Variants in PTP4A1 observed in about 807,000 individuals in gnomAD.
PTP4A1 encodes protein tyrosine phosphatase 4A1.
Under a neutral mutation model 20.5 loss-of-function variants are expected in PTP4A1, and 9 were observed. The ratio of observed to expected loss-of-function variants is 0.44; its 90% CI spans 0.26 to 0.77. The LOEUF (loss-of-function observed/expected upper bound fraction) is 0.77, where lower values mean the gene tolerates loss of function less well. PTP4A1 is among the 30% of genes least tolerant of loss of function. The pLI is 0.19. For synonymous variants in PTP4A1, 78 were observed against 67.4 expected, an observed-to-expected ratio of 1.16 and a Z score of -0.77; for missense variants, 137 against 218.8, an observed-to-expected ratio of 0.63 and a Z score of 2.36.
intron 2 of PTP4A1, among the ~76,000 whole-genome samples, chr6:63,529,144 T>C (rs1485525397): frequency 8.2e-6 from 1 of 121,458 alleles, no homozygotes; most frequent in East Asian, 2.2e-4. Context: ...TGTGTATATA[T>C]ATATGTATAT....
In PTP4A1 at chr6:63,578,523, T is replaced by C. The variant is rs775430262; in HGVS notation, c.192T>C (p.His64=). 1 of 1,611,372 alleles carries C rather than the reference T, an allele frequency of 6.2e-7. No homozygotes were observed. The highest frequency in any genetic ancestry group is 8.5e-7 in the Non-Finnish European group (1 of 1,179,136). Residue 64 remains histidine, a synonymous_variant, in exon 3 of 6, where the codon CAT becomes CAC. Coordinates refer to ENST00000626021, the MANE Select transcript of PTP4A1 (RefSeq NM_003463.5). Reference sequence around the variant, plus strand: ...CTCTTGTGGAGAAAGAAGGTATCCATGTTCTTGTAAGTATTTAACAGTTCT... The same window carrying C: ...CTCTTGTGGAGAAAGAAGGTATCCACGTTCTTGTAAGTATTTAACAGTTCT... The part of the protein sequence containing the change: ...DTTLVEKEGI[H]VLDWPFDDGA...
At chr6:63,546,213 A>G (rs1482828830) in intron 2 of PTP4A1, among the ~76,000 whole-genome samples, 1 of 152,268 alleles carries the variant, frequency 6.6e-6, no homozygotes, top group Non-Finnish European at 1.5e-5. Flanking sequence ...CTTAAAAAAG[A>G]AGGAAATACT....
upstream of PTP4A1, chr6:63,571,105 T>G (rs540343172): frequency 3.3e-5 from 5 of 152,220 alleles, no homozygotes; most frequent in Admixed American, 1.3e-4. Context: ...GTGAGCCATT[T>G]TCTTCCAAAT....
In PTP4A1 at chr6:63,581,935, G is replaced by T. The variant is rs1778259117; in HGVS notation, c.*1761G>T. On this transcript the variant is annotated 3_prime_UTR_variant, in exon 6 of 6. Coordinates refer to ENST00000626021, the MANE Select transcript of PTP4A1 (RefSeq NM_003463.5). ...TGATCACGTTAATCTAAATCTAGAT[G>T]TCTTTGTCTAATTTTTTTTGAATAG... 1 of 152,102 alleles carries T rather than the reference G, an allele frequency of 6.6e-6. No individual in the cohort carries two copies. The highest frequency in any genetic ancestry group is 1.5e-5 in the Non-Finnish European group (1 of 67,988). The allele number at this position is 152,102 out of a possible 1,614,324, so 9.4% of individuals were successfully genotyped here. A position where few individuals can be genotyped will look rare whatever the true frequency, so the allele number is the denominator to read the frequency against.
intron 3 of PTP4A1, among the ~76,000 whole-genome samples, chr6:63,564,492 TCAA>T (rs1395870044): frequency 6.6e-6 from 1 of 152,190 alleles, no homozygotes; most frequent in Admixed American, 6.5e-5. Flanking sequence ...AGGAAATTGT[TCAA>T]CAACATTTCT....
intron 2 of PTP4A1, among the ~76,000 whole-genome samples, chr6:63,535,301 C>T (rs555174613): frequency 5.9e-5 from 9 of 151,900 alleles, no homozygotes; most frequent in Non-Finnish European, 1.3e-4. Flanking sequence ...CCCGTTTCTA[C>T]TAAAAATACA....
At chr6:63,550,785 C>T (rs528709888) in intron 3 of PTP4A1, among the ~76,000 whole-genome samples, 5 of 152,018 alleles carry the variant, frequency 3.3e-5, no homozygotes, top group Admixed American at 6.6e-5. Context: ...CCACCATGCC[C>T]GTCTAATTTT....
intron 2 of PTP4A1, among the ~76,000 whole-genome samples, chr6:63,541,055 A>AAGGG (rs1562117254): frequency 1.5e-5 from 2 of 133,972 alleles, no homozygotes; most frequent in Non-Finnish European, 3.2e-5. Flanking sequence ...GGAAGGAAGG[A>AAGGG]AGGGAGGGAA....
chr6:63,545,139 C>T (rs1413686290), intron 2 of PTP4A1, among the ~76,000 whole-genome samples: 1 of 152,130 alleles, frequency 6.6e-6, no homozygotes, highest in Non-Finnish European at 1.5e-5. Context: ...CTCATTGATT[C>T]TCCTTTTATT....
At chr6:63,547,037 G>T (rs983176657) in intron 2 of PTP4A1, among the ~76,000 whole-genome samples, 2 of 152,030 alleles carry the variant, frequency 1.3e-5, no homozygotes, top group African/African-American at 4.8e-5. Context: ...GTGATAGATG[G>T]TTTTCACTTA....
At chr6:63,528,540 C>G (rs1220221561) in intron 2 of PTP4A1, among the ~76,000 whole-genome samples, 1 of 152,046 alleles carries the variant, frequency 6.6e-6, no homozygotes, top group East Asian at 1.9e-4. Flanking sequence ...GCCTGGGCAA[C>G]ATGGTGAAAC....
chr6:63,533,780 AT>A (rs1040062506), intron 2 of PTP4A1, among the ~76,000 whole-genome samples: 2 of 151,926 alleles, frequency 1.3e-5, no homozygotes, highest in African/African-American at 4.8e-5. Flanking sequence ...TATACTTAGG[AT>A]TTTTTTTAAA....
intron 3 of PTP4A1, among the ~76,000 whole-genome samples, chr6:63,562,072 T>A (rs1226819105): frequency 6.6e-6 from 1 of 152,192 alleles, no homozygotes; most frequent in East Asian, 1.9e-4. Context: ...GTGACACCCA[T>A]AAAGTATTTA....
intron 2 of PTP4A1, among the ~76,000 whole-genome samples, chr6:63,544,212 T>C (rs1776094307): frequency 1.3e-5 from 2 of 152,200 alleles, no homozygotes; most frequent in South Asian, 4.1e-4. Context: ...TTGATGTAAT[T>C]TGAGATATGA....
intron 3 of PTP4A1, among the ~76,000 whole-genome samples, chr6:63,552,636 T>A (rs1776502391): frequency 6.6e-6 from 1 of 152,254 alleles, no homozygotes. Flanking sequence ...TGGTATTGCC[T>A]AGGTTTTCTT....
At position 63,582,248 on chromosome 6, in the gene PTP4A1, A is replaced by G. The variant is rs1062193; in HGVS notation, c.*2074A>G. The G allele has an allele frequency of 0.13, 19,675 of 152,418 alleles. 1,552 individuals are homozygous for G. The highest frequency in any genetic ancestry group is 0.22 in the African/African-American group (9,011 of 41,474). The allele number at this position is 152,418 out of a possible 1,614,324, so 9.4% of individuals were successfully genotyped here. ...TTGAGAACATAATTTTATATAATCA[A>G]TTACTAAATGTTAAACTATTACCAC... is the stretch of plus-strand genomic sequence containing the variant. On this transcript the variant is annotated 3_prime_UTR_variant, in exon 6 of 6. Coordinates refer to ENST00000626021, the MANE Select transcript of PTP4A1 (RefSeq NM_003463.5).
intron 3 of PTP4A1, among the ~76,000 whole-genome samples, chr6:63,565,179 A>AT (rs201461223): frequency 1.1e-3 from 157 of 145,342 alleles, no homozygotes; most frequent in Non-Finnish European, 1.2e-3. Flanking sequence ...TGCCCAGATA[A>AT]TTTTTTTTTT....
chr6:63,548,497 G>C (rs372916168), intron 2 of PTP4A1, among the ~76,000 whole-genome samples: 12 of 152,130 alleles, frequency 7.9e-5, no homozygotes, highest in African/African-American at 2.9e-4. Context: ...TGTCTCCATC[G>C]TAGCAGCCTG....
chr6:63,580,232 A>T lies in PTP4A1; in HGVS notation c.*58A>T. 7.5e-7 allele frequency: 1 copy of T among 1,331,506 alleles called. No individual in the cohort carries two copies. Among genetic ancestry groups the T allele is most frequent in the Admixed American group, 1.7e-5 (1 of 58,592 alleles). 82.5% of individuals were successfully genotyped at this position (1,331,506 alleles called of 1,614,324 possible). ...CTTGAGATAGGGCCTAATTTGTTAT[A>T]CATATTAGCCAACATGTTGGCTTAG... On this transcript the variant is annotated 3_prime_UTR_variant, in exon 6 of 6. Coordinates refer to ENST00000626021, the MANE Select transcript of PTP4A1 (RefSeq NM_003463.5).
Sources: allele counts gnomAD v4.1 joint callset (sites outside exome capture counted in the v4.1 genomes callset), GRCh38; gene constraint gnomAD v4.1.1; transcripts MANE v1.5; gene names NCBI Gene and HGNC (gene_info 2026-07-23, HGNC 2026-07-21).